The following YWHAB variants were observed in gnomAD, a reference collection of about 807,000 sequenced individuals.
The protein encoded by YWHAB is tyrosine 3-monooxygenase/tryptophan 5-monooxygenase activation protein beta, also known as 14-3-3 protein beta/alpha.
Under a neutral mutation model 28.5 loss-of-function variants are expected in YWHAB, and 2 were observed. The observed-to-expected ratio is 0.07, with a 90% CI of 0.03 to 0.22. YWHAB has a LOEUF of 0.22. Among genes scored for constraint, YWHAB ranks in the 10% least tolerant of loss-of-function variants. YWHAB has a pLI of 1.00. For missense variants in YWHAB, 148 were observed against 297.1 expected (o/e 0.50, Z 3.69); for synonymous variants, 103 against 104.7 (o/e 0.98, Z 0.10).
chr20:44,903,918 G>A, intron 2 of YWHAB, 75 bp from the exon 3 acceptor site: 5 of 1,509,340 alleles, frequency 3.3e-6, no homozygotes, highest in East Asian at 4.6e-5. Flanking sequence ...AAGCAGTAGT[G>A]TATATCTTGA....
chr20:44,886,775 G>C (rs1400394935), intron 1 of YWHAB: 3 of 152,202 alleles, frequency 2.0e-5, no homozygotes, highest in Admixed American at 2.0e-4. Flanking sequence ...CCCATATAAT[G>C]GGGTTTTCAG....
chr20:44,905,151 A>G lies in YWHAB; in HGVS notation c.588+20A>G, dbSNP rs770596587. On this transcript the variant is annotated intron_variant, in intron 4 of 5. Transcript: ENST00000353703. ...AAAACGGTGAGAAAGACCCTTTGTG[A>G]TATCTAACCATAGCAAAACAGTGCT... 3 of 1,590,662 alleles carry G rather than the reference A, an allele frequency of 1.9e-6. No individual in the cohort carries two copies. The highest frequency in any genetic ancestry group is 1.1e-5 in the South Asian group (1 of 88,140).
chr20:44,905,691 G>C (rs2066651811), intron 4 of YWHAB: 1 of 226,496 alleles, frequency 4.4e-6, no homozygotes, highest in Admixed American at 5.6e-5. Flanking sequence ...AAGATTGCTA[G>C]AAAAGTCTTT....
At chr20:44,900,245 A>G (rs2066618814) in intron 1 of YWHAB, among the ~76,000 whole-genome samples, 1 of 152,130 alleles carries the variant, frequency 6.6e-6, no homozygotes, top group Non-Finnish European at 1.5e-5. Context: ...ATGAAGTCTT[A>G]CTATGTTAGA....
chr20:44,903,771 T>C, intron 2 of YWHAB: 1 of 438,000 alleles, frequency 2.3e-6, no homozygotes, highest in Non-Finnish European at 4.0e-6. Flanking sequence ...GGCTATACTT[T>C]AATTATCCCC....
rs1428171798 is a variant in YWHAB at position 44,903,932 on chromosome 20, T to C, written c.301-61T>C. On this transcript the variant is annotated intron_variant, in intron 2 of 5. Coordinates refer to ENST00000353703, the MANE Select transcript of YWHAB (RefSeq NM_139323.4). ...GAAGCAGTAGTGTATATCTTGAATC[T>C]CAAACATAGTTTTAACATCTCGTGA... 11 of 1,556,172 alleles carry C rather than the reference T, an allele frequency of 7.1e-6. No homozygotes were observed. The Admixed American group carries it at 1.6e-4, about 22-fold the overall frequency.
At chr20:44,901,957 G>A in intron 2 of YWHAB, 124 bp downstream of exon 2, 1 of 1,123,754 alleles carries the variant, frequency 8.9e-7, no homozygotes, top group Non-Finnish European at 1.2e-6. Context: ...AAGCTGCCAG[G>A]TATTTACAAC....
chr20:44,889,928 G>C (rs1333703167), intron 1 of YWHAB, among the ~76,000 whole-genome samples: 1 of 152,082 alleles, frequency 6.6e-6, no homozygotes, highest in Non-Finnish European at 1.5e-5. Context: ...ATTAATGTTG[G>C]TTTAGATCCC....
At chr20:44,899,220 G>GT (rs1298817434) in intron 1 of YWHAB, among the ~76,000 whole-genome samples, 9 of 150,954 alleles carry the variant, frequency 6.0e-5, no homozygotes, top group Non-Finnish European at 8.9e-5. Context: ...GGTCACGCCT[G>GT]TAAGTCCCAG....
intron 4 of YWHAB, 81 bp from the exon 5 acceptor site, chr20:44,905,920 T>C (rs577867752): frequency 2.9e-6 from 3 of 1,040,472 alleles, no homozygotes; most frequent in Admixed American, 1.9e-5. Flanking sequence ...AGATAAGTTA[T>C]ATTCACCTAG....
intron 4 of YWHAB, chr20:44,905,540 C>A (rs1425634070): frequency 6.0e-6 from 1 of 166,484 alleles, no homozygotes; most frequent in Non-Finnish European, 1.3e-5. Flanking sequence ...TTTTTATAGT[C>A]CCTCAACATG....
chr20:44,895,117 G>A lies in YWHAB; in HGVS notation c.-3-6414G>A, dbSNP rs1328771470. On this transcript the variant is annotated intron_variant, in intron 1 of 5. Transcript: ENST00000353703. ...GCTATAAGTATATTCAGAGTCATAGGCAAGGTAAATCAGTGAGGGCTAGGG... is the reference window on the plus strand; with the variant it reads ...GCTATAAGTATATTCAGAGTCATAGACAAGGTAAATCAGTGAGGGCTAGGG... Among the ~76,000 whole-genome samples the A allele has an allele frequency of 2.6e-5, 4 of 152,176 alleles. No individual in the cohort carries two copies. The East Asian group carries it at 7.7e-4, about 29-fold the overall frequency.
At chr20:44,897,270 T>C (rs2066601363) in intron 1 of YWHAB, among the ~76,000 whole-genome samples, 2 of 152,340 alleles carry the variant, frequency 1.3e-5, no homozygotes, top group African/African-American at 2.4e-5. Flanking sequence ...CCTTTATTAC[T>C]CCATTATGAT....
At chr20:44,890,796 A>G (rs1468667189) in intron 1 of YWHAB, among the ~76,000 whole-genome samples, 1 of 152,118 alleles carries the variant, frequency 6.6e-6, no homozygotes, top group Non-Finnish European at 1.5e-5. Flanking sequence ...GGCGTGAGCC[A>G]CCACGCCTGG....
At chr20:44,903,938 A>G (rs1221406122) in intron 2 of YWHAB, 55 bp from the exon 3 acceptor site, 54 of 1,562,862 alleles carry the variant, frequency 3.5e-5, no homozygotes, top group South Asian at 3.2e-4. Context: ...AATCTCAAAC[A>G]TAGTTTTAAC....
rs2066522742 is a variant in YWHAB, at chr20:44,885,839, C to T, written c.-51C>T. ...GCTTAGGAAGGAAGAGGTCATCTCG[C>T]TCGGAGCTTCGCTCGGAAGGGTCTT... On this transcript the variant is annotated 5_prime_UTR_variant, in exon 1 of 6. Transcript: ENST00000353703. The T allele has an allele frequency of 6.4e-6, 1 of 155,202 alleles. No individual in the cohort carries two copies. Among genetic ancestry groups the T allele is most frequent in the Non-Finnish European group, 1.4e-5 (1 of 69,280 alleles). The allele number at this position is 155,202 out of a possible 1,614,324, so 9.6% of individuals were successfully genotyped here.
At chr20:44,891,417 T>C (rs1396506266) in intron 1 of YWHAB, among the ~76,000 whole-genome samples, 2 of 152,220 alleles carry the variant, frequency 1.3e-5, no homozygotes, top group Non-Finnish European at 2.9e-5. Context: ...GATTTGCCTG[T>C]ATTATGGATG....
chr20:44,901,704 C>T lies in YWHAB; in HGVS notation c.171C>T (p.Arg57=). 1 of 1,613,402 alleles carries T rather than the reference C, an allele frequency of 6.2e-7. No homozygotes were observed. Among genetic ancestry groups the T allele is most frequent in the Non-Finnish European group, 8.5e-7 (1 of 1,179,788 alleles). The change falls in exon 2 of 6, where the codon CGC becomes CGT. Residue 57 remains arginine, a synonymous_variant. Coordinates refer to ENST00000353703, the MANE Select transcript of YWHAB (RefSeq NM_139323.4). ...SVAYKNVVGA[R]RSSWRVISSI... ...CCTACAAGAATGTGGTAGGCGCCCG[C>T]CGCTCTTCCTGGCGTGTCATCTCCA...
chr20:44,888,370 TAAC>T (rs1304231196), intron 1 of YWHAB, among the ~76,000 whole-genome samples: 8 of 152,322 alleles, frequency 5.3e-5, no homozygotes, highest in African/African-American at 9.6e-5. Context: ...TCAGTCTTCA[TAAC>T]AACCAATGAA....
Sources: gnomAD v4.1 joint callset for allele counts (sites outside exome capture counted in the v4.1 genomes callset) on GRCh38, gnomAD v4.1.1 for gene constraint, MANE v1.5 for transcripts, NCBI Gene and HGNC (gene_info 2026-07-23, HGNC 2026-07-21) for gene names.